The following PLXNA4 variants were observed in gnomAD, a reference collection of about 807,000 sequenced individuals.
PLXNA4 encodes plexin-A4.
A neutral mutation model predicts 191.8 loss-of-function variants in PLXNA4; 44 were observed. The observed-to-expected ratio is 0.23, with a 90% CI of 0.18 to 0.29. PLXNA4 has a LOEUF of 0.29. Ranked by LOEUF, PLXNA4 falls within the 10% of genes least tolerant of loss-of-function variation. The pLI is 1.00. For missense variants in PLXNA4, 1,800 were observed against 2,488.8 expected, an observed-to-expected ratio of 0.72 and a Z score of 5.89; for synonymous variants, 1,082 against 1,009.5, an observed-to-expected ratio of 1.07 and a Z score of -1.36.
chr7:132,508,524 T>G lies in PLXNA4; in HGVS notation c.170A>C (p.Asp57Ala). 2 of 1,614,188 alleles carry G rather than the reference T, an allele frequency of 1.2e-6. No homozygotes were observed. Among genetic ancestry groups the G allele is most frequent in the Non-Finnish European group, 1.7e-6 (2 of 1,180,030 alleles). Residue 57 changes from aspartate (D) to alanine (A), a missense_variant, in exon 2 of 32, where the codon GAT (aspartate) becomes GCT (alanine). Around this residue, in one of 6 missense-constraint regions of PLXNA4, gnomAD observed 1,397 missense variants for 1,880.4 expected, o/e 0.74. Transcript: ENST00000321063. The surrounding 1 kb of genome is among the most constrained non-coding windows in gnomAD (Gnocchi z 4.4). ...PAEGFNHLVV[D>A]ERTGHIYLGA... Reference sequence around the variant, plus strand: ...CAAGTAAATGTGTCCTGTCCTCTCATCCACCACCAGGTGATTGAAACCCTC... The same window carrying G: ...CAAGTAAATGTGTCCTGTCCTCTCAGCCACCACCAGGTGATTGAAACCCTC...
At chr7:132,561,834 G>A (rs1171454284) in intron 1 of PLXNA4, among the ~76,000 whole-genome samples, 53 of 41,508 alleles carry the variant, frequency 1.3e-3, no homozygotes, top group African/African-American at 4.5e-3. Context: ...CTTCTCCTCC[G>A]CCTCCTTCTC....
intron 2 of PLXNA4, among the ~76,000 whole-genome samples, chr7:132,582,422 G>A (rs1802419801): frequency 6.6e-6 from 1 of 152,178 alleles, no homozygotes; most frequent in African/African-American, 2.4e-5. Context: ...CTCAACCAGA[G>A]GTATTCATGC....
At chr7:132,323,527 T>G (rs973465907) in intron 3 of PLXNA4, among the ~76,000 whole-genome samples, 3 of 152,100 alleles carry the variant, frequency 2.0e-5, no homozygotes, top group African/African-American at 7.2e-5. Context: ...CTCAGGACAA[T>G]TCTAGGCACT....
chr7:132,348,642 A>G (rs1803348901), intron 3 of PLXNA4, among the ~76,000 whole-genome samples: 1 of 152,194 alleles, frequency 6.6e-6, no homozygotes. Flanking sequence ...TGTAGGGATC[A>G]ATATTTAGGT....
intron 2 of PLXNA4, among the ~76,000 whole-genome samples, chr7:132,643,907 G>T (rs138775210): frequency 1.3e-5 from 2 of 151,736 alleles, no homozygotes; most frequent in African/African-American, 2.4e-5. Context: ...ATCTAAGATC[G>T]CACCACTACA....
At chr7:132,461,485 G>A (rs771706119) in intron 3 of PLXNA4, among the ~76,000 whole-genome samples, 1 of 152,146 alleles carries the variant, frequency 6.6e-6, no homozygotes. Flanking sequence ...ACATCACAGA[G>A]CAGACATCTT....
intron 3 of PLXNA4, among the ~76,000 whole-genome samples, chr7:132,301,150 C>G (rs1232922804): frequency 6.6e-6 from 1 of 152,194 alleles, no homozygotes; most frequent in Non-Finnish European, 1.5e-5. Flanking sequence ...GGCTCCTTCT[C>G]TCTTTTCCCA....
intron 1 of PLXNA4, among the ~76,000 whole-genome samples, chr7:132,647,567 TCA>T (rs1194255758): frequency 1.3e-5 from 2 of 149,162 alleles, no homozygotes; most frequent in Non-Finnish European, 3.0e-5. Flanking sequence ...ACATATGCAG[TCA>T]CACACATGCA....
At chr7:132,358,651 G>A (rs1043127447) in intron 3 of PLXNA4, among the ~76,000 whole-genome samples, 1 of 152,196 alleles carries the variant, frequency 6.6e-6, no homozygotes, top group African/African-American at 2.4e-5. Context: ...CCTACTCTAT[G>A]ACAGTGACTT....
At chr7:132,376,071 C>G (rs1398664880) in intron 3 of PLXNA4, among the ~76,000 whole-genome samples, 1 of 152,156 alleles carries the variant, frequency 6.6e-6, no homozygotes, top group African/African-American at 2.4e-5. Context: ...TTTGGAACAG[C>G]CCCACCTGTA....
At chr7:132,527,299 GC>G (rs1799435633) in intron 1 of PLXNA4, among the ~76,000 whole-genome samples, 1 of 152,052 alleles carries the variant, frequency 6.6e-6, no homozygotes, top group Non-Finnish European at 1.5e-5. Flanking sequence ...ATTTTGCTCA[GC>G]AAGGTAAGAG....
At chr7:132,304,800 C>T (rs183301164) in intron 3 of PLXNA4, among the ~76,000 whole-genome samples, 14 of 152,204 alleles carry the variant, frequency 9.2e-5, no homozygotes, top group South Asian at 4.2e-4. Flanking sequence ...CTCCCTCCCC[C>T]CTGTCCTCTG....
intron 2 of PLXNA4, among the ~76,000 whole-genome samples, chr7:132,629,194 G>A (rs1170475092): frequency 1.3e-5 from 2 of 152,160 alleles, no homozygotes; most frequent in African/African-American, 2.4e-5. Context: ...CTAACTACCA[G>A]CATTCCAGGA....
At chr7:132,446,252 A>G (rs1732859235) in intron 3 of PLXNA4, among the ~76,000 whole-genome samples, 1 of 152,216 alleles carries the variant, frequency 6.6e-6, no homozygotes, top group Non-Finnish European at 1.5e-5. Context: ...GTTAGGTAAT[A>G]TTAATAACAA....
chr7:132,442,775 G>A (rs764918519), intron 3 of PLXNA4, among the ~76,000 whole-genome samples: 5 of 152,182 alleles, frequency 3.3e-5, no homozygotes, highest in Non-Finnish European at 5.9e-5. Flanking sequence ...CAAGCTGCCC[G>A]CATCAGCAAT....
intron 3 of PLXNA4, among the ~76,000 whole-genome samples, chr7:132,427,542 G>T (rs1795094309): frequency 6.6e-6 from 1 of 152,176 alleles, no homozygotes; most frequent in Admixed American, 6.5e-5. Context: ...ACCCCTAAAA[G>T]AATTGAACCT....
intron 3 of PLXNA4, among the ~76,000 whole-genome samples, chr7:132,372,695 AG>A (rs1299609605): frequency 6.6e-6 from 1 of 152,238 alleles, no homozygotes; most frequent in African/African-American, 2.4e-5. Context: ...AATAGAACAA[AG>A]GTTCAATTCT....
At chr7:132,454,675 G>T (rs1796250703) in intron 3 of PLXNA4, among the ~76,000 whole-genome samples, 1 of 151,982 alleles carries the variant, frequency 6.6e-6, no homozygotes, top group African/African-American at 2.4e-5. Context: ...GATCACTAGG[G>T]TGGACCTTAA....
intron 31 of PLXNA4, among the ~76,000 whole-genome samples, chr7:132,132,410 C>CTGTTCTGTTCTGTTCTGT (rs1554447404): frequency 1.0e-4 from 4 of 39,162 alleles, no homozygotes; most frequent in African/African-American, 5.0e-4. Context: ...CTGTTCTGTT[C>CTGTTCTGTTCTGTTCTGT]TGTTCTGTTC....
Sources: allele counts gnomAD v4.1 joint callset (sites outside exome capture counted in the v4.1 genomes callset), GRCh38; gene constraint gnomAD v4.1.1; regional missense constraint gnomAD v4.1.1; non-coding constraint Gnocchi (gnomAD v3.1); transcripts MANE v1.5; gene names NCBI Gene and HGNC (gene_info 2026-07-23, HGNC 2026-07-21).